The following FAM83B variants were observed in gnomAD, a reference collection of about 807,000 sequenced individuals.
The protein encoded by FAM83B is scaffolding CK1 anchoring protein B.
FAM83B carries 26 observed loss-of-function variants against 38.8 expected under a neutral mutation model. That is an observed-to-expected ratio of 0.67 (90% CI 0.49 to 0.93). The LOEUF (loss-of-function observed/expected upper bound fraction) is 0.93, where lower values mean the gene tolerates loss of function less well. Ranked by LOEUF, FAM83B falls within the 40% of genes least tolerant of loss-of-function variation. The pLI is 0.00. For synonymous variants in FAM83B, 419 were observed against 423.1 expected (o/e 0.99, Z 0.12); for missense variants, 1,237 against 1,197.3 (o/e 1.03, Z -0.49).
At chr6:54,904,121 C>T (rs1318847243) in intron 2 of FAM83B, among the ~76,000 whole-genome samples, 1 of 151,680 alleles carries the variant, frequency 6.6e-6, no homozygotes, top group Non-Finnish European at 1.5e-5. Context: ...ACATATTGTT[C>T]ATTGCTCAAT....
At chr6:54,887,873 G>T in intron 2 of FAM83B, among the ~76,000 whole-genome samples, 1 of 151,398 alleles carries the variant, frequency 6.6e-6, no homozygotes, top group African/African-American at 2.4e-5. Flanking sequence ...GTATGATTAT[G>T]GTATGTTCCC....
chr6:54,908,304 A>G (rs558479836), intron 2 of FAM83B, among the ~76,000 whole-genome samples: 39 of 152,082 alleles, frequency 2.6e-4, no homozygotes, highest in Non-Finnish European at 5.2e-4. Context: ...AATTTCTTCC[A>G]TGAGCTATTG....
chr6:54,936,209 C>CT (rs1290761553), intron 4 of FAM83B, among the ~76,000 whole-genome samples: 5 of 152,114 alleles, frequency 3.3e-5, no homozygotes, highest in Admixed American at 6.6e-5. Flanking sequence ...TTGCCTGAAA[C>CT]TTTATTACAA....
At chr6:54,880,766 G>A (rs149882202) in intron 2 of FAM83B, among the ~76,000 whole-genome samples, 10 of 151,858 alleles carry the variant, frequency 6.6e-5, no homozygotes, top group African/African-American at 9.7e-5. Context: ...TTATTATTAG[G>A]GTACATACAT....
chr6:54,921,617 G>C (rs1229571904), intron 2 of FAM83B, among the ~76,000 whole-genome samples: 1 of 151,940 alleles, frequency 6.6e-6, no homozygotes, highest in Non-Finnish European at 1.5e-5. Flanking sequence ...GAAGAAGCAA[G>C]TACATAATTT....
At chr6:54,890,818 C>A (rs1051931828) in intron 2 of FAM83B, among the ~76,000 whole-genome samples, 3 of 152,002 alleles carry the variant, frequency 2.0e-5, no homozygotes, top group African/African-American at 7.2e-5. Flanking sequence ...CTCAACTGAA[C>A]CTTTTTGTTC....
chr6:54,885,042 G>A (rs1054952706), intron 2 of FAM83B, among the ~76,000 whole-genome samples: 4 of 152,106 alleles, frequency 2.6e-5, no homozygotes, highest in African/African-American at 7.2e-5. Context: ...AAAGTGCTGG[G>A]ATTACAGGCG....
upstream of FAM83B, chr6:54,846,681 A>AG (rs1340167458): frequency 6.6e-6 from 1 of 152,116 alleles, no homozygotes; most frequent in Non-Finnish European, 1.5e-5. Context: ...TTCGAGCCGG[A>AG]ATCAGCCTCC....
Position 54,940,943 on chromosome 6 carries a change from AATCTACTTAAAAGGCGAAGTTTCCCG to A in FAM83B, c.1973_1998del (p.Asn658IlefsTer3), listed in dbSNP as rs1346981572. The A allele has an allele frequency of 5.6e-6, 9 of 1,613,492 alleles. No individual in the cohort carries two copies. Among genetic ancestry groups the A allele is most frequent in the Non-Finnish European group, 6.8e-6 (8 of 1,179,892 alleles). The stretch of plus-strand genomic sequence containing the variant: ...AAATCTAAAGAATCAACAGACTGAG[AATCTACTTAAAAGGCGAAGTTTCCCG>A]TTATTTGACAACTCAAAAGCCAACT... On this transcript the variant is annotated frameshift_variant, in exon 5 of 5. Transcript: ENST00000306858. LOFTEE classifies it high-confidence loss of function.
chr6:54,925,852 A>G (rs9464164), intron 2 of FAM83B, among the ~76,000 whole-genome samples: 8,271 of 152,188 alleles, frequency 0.054, 762 homozygotes, highest in African/African-American at 0.19. Flanking sequence ...GAACAACTGT[A>G]TATTTAATTT....
In FAM83B at chr6:54,930,158, A is replaced by G. The variant is rs528126265; in HGVS notation, c.734+2526A>G. The stretch of plus-strand genomic sequence containing the variant: ...GGTTAAATGAGAAGTCCAGGTCTAC[A>G]TTATTGAAATTGTGTCAAAATGGAT... On this transcript the variant is annotated intron_variant, in intron 4 of 4. Coordinates refer to ENST00000306858, the MANE Select transcript of FAM83B (RefSeq NM_001010872.3). Among the ~76,000 whole-genome samples, 670 of 152,252 alleles carry G rather than the reference A, an allele frequency of 4.4e-3. 8 individuals are homozygous for G. Among genetic ancestry groups the G allele is most frequent in the African/African-American group, 0.015 (638 of 41,568 alleles).
chr6:54,884,641 A>G (rs974565921), intron 2 of FAM83B, among the ~76,000 whole-genome samples: 9 of 152,102 alleles, frequency 5.9e-5, no homozygotes, highest in Non-Finnish European at 5.9e-5. Flanking sequence ...GTCATAACTC[A>G]AGTGACCACT....
rs1162362249 is a variant in FAM83B at position 54,944,338 on chromosome 6, A to G, written c.*2331A>G. The G allele has an allele frequency of 6.6e-6, 1 of 152,184 alleles. No homozygotes were observed. Among genetic ancestry groups the G allele is most frequent in the Non-Finnish European group, 1.5e-5 (1 of 68,026 alleles). 9.4% of individuals were successfully genotyped at this position (152,184 alleles called of 1,614,324 possible). A position where few individuals can be genotyped will look rare whatever the true frequency, so the allele number is the denominator to read the frequency against. On this transcript the variant is annotated 3_prime_UTR_variant, in exon 5 of 5. Transcript: ENST00000306858. Reference sequence around the variant, plus strand: ...TCACTTTGATGTACATTGATATTAAAGTTTGGTAATGCAGCTTTTACTGTC... The same window carrying G: ...TCACTTTGATGTACATTGATATTAAGGTTTGGTAATGCAGCTTTTACTGTC...
chr6:54,903,679 C>T (rs1180656174), intron 2 of FAM83B, among the ~76,000 whole-genome samples: 2 of 151,986 alleles, frequency 1.3e-5, no homozygotes, highest in Non-Finnish European at 1.5e-5. Context: ...GCTATAAAAT[C>T]GTCTTCATAA....
chr6:54,925,136 G>A (rs571909365), intron 2 of FAM83B, among the ~76,000 whole-genome samples: 1 of 152,098 alleles, frequency 6.6e-6, no homozygotes, highest in Non-Finnish European at 1.5e-5. Flanking sequence ...TCTTCTTGAA[G>A]ATATCAATGT....
chr6:54,895,067 G>C (rs1772499342), intron 2 of FAM83B, among the ~76,000 whole-genome samples: 1 of 152,228 alleles, frequency 6.6e-6, no homozygotes, highest in Non-Finnish European at 1.5e-5. Context: ...CTGAATCCAA[G>C]ACTGACACCT....
chr6:54,924,188 TACACACACACAC>T (rs59997305), intron 2 of FAM83B, among the ~76,000 whole-genome samples: 6 of 147,808 alleles, frequency 4.1e-5, no homozygotes, highest in African/African-American at 1.3e-4. Context: ...TATTCATTTA[TACACACACACAC>T]ACACACACAC....
At chr6:54,883,096 C>T (rs1772173197) in intron 2 of FAM83B, among the ~76,000 whole-genome samples, 1 of 151,946 alleles carries the variant, frequency 6.6e-6, no homozygotes, top group Admixed American at 6.6e-5. Context: ...CACCACCACG[C>T]CCGGCTAATT....
chr6:54,907,736 C>T (rs994671242), intron 2 of FAM83B, among the ~76,000 whole-genome samples: 5 of 151,936 alleles, frequency 3.3e-5, no homozygotes, highest in African/African-American at 9.7e-5. Context: ...TTTTTCTGTT[C>T]CATGCGAGGT....
Sources: gnomAD v4.1 joint callset for allele counts (sites outside exome capture counted in the v4.1 genomes callset) on GRCh38, gnomAD v4.1.1 for gene constraint, MANE v1.5 for transcripts, NCBI Gene and HGNC (gene_info 2026-07-23, HGNC 2026-07-21) for gene names.